The following PDE1C variants were observed in gnomAD, a reference collection of about 807,000 sequenced individuals.
PDE1C encodes the protein phosphodiesterase 1C.
PDE1C carries 62 observed loss-of-function variants against 93.1 expected under a neutral mutation model. The ratio of observed to expected loss-of-function variants is 0.67; its 90% CI spans 0.54 to 0.82. The LOEUF is 0.82. Among genes scored for constraint, PDE1C ranks in the 40% least tolerant of loss-of-function variants. The probability of loss-of-function intolerance (pLI) is 0.00; values close to 1 mark genes in which losing one functional copy is unlikely to be tolerated. For missense variants in PDE1C, 742 were observed against 884.6 expected (o/e 0.84, Z 2.04); for synonymous variants, 325 against 310.1 (o/e 1.05, Z -0.50).
intron 2 of PDE1C, among the ~76,000 whole-genome samples, chr7:32,049,869 A>C (rs11764908): frequency 6.6e-6 from 1 of 152,206 alleles, no homozygotes; most frequent in Non-Finnish European, 1.5e-5. Flanking sequence ...ACAGAATATA[A>C]CAATGGAGTC....
the PDE1C span, among the ~76,000 whole-genome samples, chr7:31,666,869 G>C: frequency 6.6e-6 from 1 of 151,926 alleles, no homozygotes; most frequent in Admixed American, 6.6e-5. Flanking sequence ...TTTTCTCCAA[G>C]CACATAGACT....
the PDE1C span, among the ~76,000 whole-genome samples, chr7:31,628,148 C>A: frequency 0.041 from 6,239 of 152,230 alleles, 359 homozygotes; most frequent in African/African-American, 0.13. Flanking sequence ...AGGACGGCAG[C>A]CATTTTCAAA....
chr7:32,051,151 CA>C (rs1239057864), intron 2 of PDE1C, among the ~76,000 whole-genome samples: 1 of 152,198 alleles, frequency 6.6e-6, no homozygotes, highest in Non-Finnish European at 1.5e-5. Flanking sequence ...AGCATTTTGT[CA>C]GCAAATCAGG....
intron 1 of PDE1C, among the ~76,000 whole-genome samples, chr7:32,226,445 T>C (rs1353044384): frequency 6.6e-6 from 1 of 152,246 alleles, no homozygotes; most frequent in East Asian, 1.9e-4. Context: ...ATGACCCCTT[T>C]ATTCATCTTC....
At chr7:32,292,728 C>G (rs1407025196) in intron 1 of PDE1C, among the ~76,000 whole-genome samples, 1 of 152,170 alleles carries the variant, frequency 6.6e-6, no homozygotes, top group Non-Finnish European at 1.5e-5. Flanking sequence ...TTTACCCATC[C>G]TGGTCCCCTC....
intron 2 of PDE1C, among the ~76,000 whole-genome samples, chr7:32,022,977 T>TA (rs1177889318): frequency 6.7e-6 from 1 of 148,346 alleles, no homozygotes; most frequent in Non-Finnish European, 1.5e-5. Context: ...TTTTTTTTTT[T>TA]AACATTTAAA....
intron 7 of PDE1C, among the ~76,000 whole-genome samples, chr7:31,854,841 T>A (rs1793793888): frequency 6.6e-6 from 1 of 151,896 alleles, no homozygotes; most frequent in Admixed American, 6.6e-5. Context: ...CCAAGGTGGG[T>A]GGATCACCTG....
intron 1 of PDE1C, among the ~76,000 whole-genome samples, chr7:32,327,881 A>G (rs1325211334): frequency 6.6e-6 from 1 of 151,936 alleles, no homozygotes; most frequent in Non-Finnish European, 1.5e-5. Flanking sequence ...GCACATAGAC[A>G]TAGTTCCGTT....
chr7:31,922,299 T>C (rs1339304959), intron 2 of PDE1C, among the ~76,000 whole-genome samples: 1 of 152,194 alleles, frequency 6.6e-6, no homozygotes, highest in Non-Finnish European at 1.5e-5. Context: ...AAATATAAAA[T>C]CTCATTGCCC....
At chr7:32,075,840 CT>C (rs1796319281), upstream of PDE1C, among the ~76,000 whole-genome samples, 1 of 152,148 alleles carries the variant, frequency 6.6e-6, no homozygotes, top group Non-Finnish European at 1.5e-5. Context: ...ACAAGAGAAG[CT>C]TACATAATCC....
At chr7:31,645,881 G>A in the PDE1C span, among the ~76,000 whole-genome samples, 1 of 152,122 alleles carries the variant, frequency 6.6e-6, no homozygotes, top group Non-Finnish European at 1.5e-5. Context: ...TAGTGTCAAG[G>A]CTGTAAAACT....
chr7:31,941,597 C>T (rs1805855413), intron 2 of PDE1C: 1 of 153,210 alleles, frequency 6.5e-6, no homozygotes, highest in African/African-American at 2.4e-5. Flanking sequence ...AATGTTTGTA[C>T]TCTAAATTAA....
chr7:32,197,842 T>C (rs1340030908), intron 2 of PDE1C, among the ~76,000 whole-genome samples: 2 of 152,184 alleles, frequency 1.3e-5, no homozygotes, highest in African/African-American at 2.4e-5. Context: ...GGACTTCTTT[T>C]TGGGGTGACA....
At chr7:31,672,949 G>A in the PDE1C span, among the ~76,000 whole-genome samples, 1 of 152,174 alleles carries the variant, frequency 6.6e-6, no homozygotes, top group African/African-American at 2.4e-5. Flanking sequence ...TGTTTGATAA[G>A]TGTCTTGTGC....
At chr7:32,306,487 C>T (rs560461952) in intron 1 of PDE1C, among the ~76,000 whole-genome samples, 317 of 152,308 alleles carry the variant, frequency 2.1e-3, no homozygotes, top group African/African-American at 7.0e-3. Flanking sequence ...TATCCACACA[C>T]GACCCCACCT....
intron 9 of PDE1C, among the ~76,000 whole-genome samples, chr7:31,843,594 TG>T (rs1198324559): frequency 6.6e-6 from 1 of 151,918 alleles, no homozygotes; most frequent in Non-Finnish European, 1.5e-5. Flanking sequence ...GTGTATCTCT[TG>T]TACAATTGCA....
At chr7:31,915,573 TTA>T (rs1801784117) in intron 2 of PDE1C, among the ~76,000 whole-genome samples, 1 of 152,196 alleles carries the variant, frequency 6.6e-6, no homozygotes, top group South Asian at 2.1e-4. Flanking sequence ...CAGAGAATTT[TTA>T]TCTGGGTTTA....
At chr7:31,988,337 T>C (rs1427383204) in intron 2 of PDE1C, among the ~76,000 whole-genome samples, 2 of 152,214 alleles carry the variant, frequency 1.3e-5, no homozygotes, top group Non-Finnish European at 2.9e-5. Flanking sequence ...GCCAGAGCCA[T>C]GACCAAAGGT....
intron 1 of PDE1C, among the ~76,000 whole-genome samples, chr7:32,407,266 C>A (rs1264373983): frequency 6.6e-6 from 1 of 152,112 alleles, no homozygotes; most frequent in Non-Finnish European, 1.5e-5. Context: ...CAGAGCAAGA[C>A]TCAGTCCCAA....
Sources: gnomAD v4.1 joint callset for allele counts (sites outside exome capture counted in the v4.1 genomes callset) on GRCh38, gnomAD v4.1.1 for gene constraint, MANE v1.5 for transcripts, NCBI Gene and HGNC (gene_info 2026-07-23, HGNC 2026-07-21) for gene names.